The following YIPF7 variants were observed in gnomAD, a reference collection of about 807,000 sequenced individuals.
The protein encoded by YIPF7 is protein YIPF7.
In YIPF7, 35 loss-of-function variants were observed where a neutral mutation model predicts 27.2. The ratio of observed to expected loss-of-function variants is 1.29; its 90% CI spans 0.98 to 1.70. The LOEUF is 1.70. YIPF7 is among the 40% of genes most tolerant of loss of function. The pLI, the probability that YIPF7 is intolerant of heterozygous loss-of-function variation, is 0.00. For missense variants in YIPF7, 358 were observed against 303.7 expected (o/e 1.18, Z -1.33); for synonymous variants, 137 against 110.4 (o/e 1.24, Z -1.51).
chr4:44,660,128 A>AAC (rs1714007048), intron 2 of YIPF7, among the ~76,000 whole-genome samples: 1 of 146,954 alleles, frequency 6.8e-6, no homozygotes, highest in Non-Finnish European at 1.5e-5. Flanking sequence ...AAAAAAAAAA[A>AAC]AAAAAAAACG....
intron 1 of YIPF7, among the ~76,000 whole-genome samples, chr4:44,650,507 G>GCGCGCGCGCGCA (rs6148421): frequency 8.9e-4 from 122 of 137,132 alleles, no homozygotes; most frequent in African/African-American, 3.0e-3. Flanking sequence ...GCGCGCGCGC[G>GCGCGCGCGCGCA]CACACACACA....
chr4:44,651,635 A>T, upstream of YIPF7: 1 of 1,573,548 alleles, frequency 6.4e-7, no homozygotes, highest in Non-Finnish European at 8.6e-7. Flanking sequence ...TGGTGAAAAG[A>T]TGACATGCTG....
At chr4:44,652,553 T>A (rs1297741153), upstream of YIPF7, among the ~76,000 whole-genome samples, 1 of 152,238 alleles carries the variant, frequency 6.6e-6, no homozygotes, top group Non-Finnish European at 1.5e-5. Flanking sequence ...TTTTTCCACA[T>A]TGTTTAAAAG....
chr4:44,633,972 A>G (rs1286274970), intron 3 of YIPF7, among the ~76,000 whole-genome samples: 2 of 152,160 alleles, frequency 1.3e-5, no homozygotes, highest in Admixed American at 1.3e-4. Context: ...CTACTCTGGA[A>G]GTGGAGTAGA....
intron 3 of YIPF7, 86 bp from the exon 4 acceptor site, chr4:44,629,634 C>G: frequency 1.0e-6 from 1 of 1,001,924 alleles, no homozygotes; most frequent in Non-Finnish European, 1.4e-6. Flanking sequence ...GTTAACATAT[C>G]TGATTAATTT....
intron 4 of YIPF7, among the ~76,000 whole-genome samples, chr4:44,625,256 A>G (rs1712593866): frequency 6.6e-6 from 1 of 152,218 alleles, no homozygotes; most frequent in Non-Finnish European, 1.5e-5. Context: ...TATGTAATCC[A>G]CATAACAACC....
chr4:44,662,062 T>C (rs1274031866), intron 1 of YIPF7, among the ~76,000 whole-genome samples: 2 of 152,218 alleles, frequency 1.3e-5, no homozygotes, highest in Non-Finnish European at 2.9e-5. Flanking sequence ...AAACCATTTG[T>C]TACATTATAC....
intron 3 of YIPF7, among the ~76,000 whole-genome samples, chr4:44,630,410 G>A (rs965877435): frequency 1.3e-4 from 20 of 152,178 alleles, no homozygotes; most frequent in African/African-American, 3.9e-4. Context: ...CTAATGAGAA[G>A]AGCAATTTTA....
intron 2 of YIPF7, among the ~76,000 whole-genome samples, chr4:44,656,777 C>T (rs1713912261): frequency 6.6e-6 from 1 of 151,882 alleles, no homozygotes; most frequent in Admixed American, 6.6e-5. Context: ...AATGCTCTCT[C>T]TTGTAGAGAG....
rs1712464855 is a variant in YIPF7, at chr4:44,622,163, T to C, written c.*251A>G. 2.5e-6 allele frequency: 1 copy of C among 392,550 alleles called. No individual in the cohort carries two copies. The highest frequency in any genetic ancestry group is 4.6e-5 in the East Asian group (1 of 21,656). 24.3% of individuals were successfully genotyped at this position (392,550 alleles called of 1,614,324 possible). A position where few individuals can be genotyped will look rare whatever the true frequency, so the allele number is the denominator to read the frequency against. On this transcript the variant is annotated 3_prime_UTR_variant, in exon 6 of 6. Coordinates refer to ENST00000415895, the MANE Select transcript of YIPF7 (RefSeq NM_182592.3). ...CCTCTATTGAGAAAAGCAGGGTTGA[T>C]CAGTACAGCAACTGTATCCCTTTTG...
upstream of YIPF7, among the ~76,000 whole-genome samples, chr4:44,652,072 T>G (rs1713754688): frequency 6.6e-6 from 1 of 152,228 alleles, no homozygotes; most frequent in South Asian, 2.1e-4. Flanking sequence ...TTAAGAAGAC[T>G]AATTACAGTC....
intron 3 of YIPF7, 87 bp from the exon 4 acceptor site, chr4:44,629,635 T>A: frequency 1.0e-6 from 1 of 987,298 alleles, no homozygotes; most frequent in Non-Finnish European, 1.4e-6. Context: ...TTAACATATC[T>A]GATTAATTTA....
At chr4:44,650,206 C>T (rs1301528346) in intron 1 of YIPF7, 105 bp from the exon 2 acceptor site, 2 of 737,930 alleles carry the variant, frequency 2.7e-6, no homozygotes, top group African/African-American at 1.8e-5. Context: ...GAATTCCTAT[C>T]AGAAAAAAAG....
At chr4:44,661,709 G>T (rs1714044066) in intron 1 of YIPF7, among the ~76,000 whole-genome samples, 1 of 152,176 alleles carries the variant, frequency 6.6e-6, no homozygotes, top group African/African-American at 2.4e-5. Flanking sequence ...CATTCATTGG[G>T]AGGTGAGAAT....
Position 44,651,610 on chromosome 4 carries a change from T to A in YIPF7, c.-58A>T. 1.9e-6 allele frequency: 3 copies of A among 1,586,518 alleles called. No individual in the cohort carries two copies. Among genetic ancestry groups the A allele is most frequent in the Non-Finnish European group, 2.6e-6 (3 of 1,164,544 alleles). On this transcript the variant is annotated 5_prime_UTR_variant, in exon 1 of 6. Coordinates refer to ENST00000415895, the MANE Select transcript of YIPF7 (RefSeq NM_182592.3). ...GTAAATGTAGCTTTGTGTGAGAAAT[T>A]TTAAGCAAATCCATTGGTGAAAAGA...
chr4:44,652,804 A>G (rs1052232490), upstream of YIPF7, among the ~76,000 whole-genome samples: 8 of 152,192 alleles, frequency 5.3e-5, no homozygotes, highest in Admixed American at 2.0e-4. Context: ...TAAGTCATTT[A>G]ATTTTTGTAA....
At chr4:44,637,982 A>T (rs181539757) in intron 2 of YIPF7, among the ~76,000 whole-genome samples, 40 of 152,276 alleles carry the variant, frequency 2.6e-4, no homozygotes, top group Admixed American at 1.4e-3. Flanking sequence ...ATCCACAAGG[A>T]ACTCAAACAA....
chr4:44,660,579 A>C (rs1023160436), exon 2 of YIPF7: 1 of 152,236 alleles, frequency 6.6e-6, no homozygotes, highest in African/African-American at 2.4e-5. Context: ...GAGGCCACAG[A>C]CATCACAGAA....
intron 4 of YIPF7, among the ~76,000 whole-genome samples, chr4:44,625,039 AT>A (rs1251366083): frequency 6.6e-6 from 1 of 152,148 alleles, no homozygotes; most frequent in African/African-American, 2.4e-5. Context: ...CTAGACTTAT[AT>A]TTTTTACTCT....
Sources: allele counts gnomAD v4.1 joint callset (sites outside exome capture counted in the v4.1 genomes callset), GRCh38; gene constraint gnomAD v4.1.1; transcripts MANE v1.5; gene names NCBI Gene and HGNC (gene_info 2026-07-23, HGNC 2026-07-21).